Variants in CDK14 observed in about 807,000 individuals in gnomAD.
The protein encoded by CDK14 is cyclin dependent kinase 14.
A neutral mutation model predicts 60.7 loss-of-function variants in CDK14; 34 were observed. That is an observed-to-expected ratio of 0.56 (90% confidence interval 0.43 to 0.75). CDK14 has a LOEUF of 0.75. Ranked by LOEUF, CDK14 falls within the 30% of genes least tolerant of loss-of-function variation. The pLI is 0.00. For synonymous variants in CDK14, 197 were observed against 203.7 expected (o/e 0.97, Z 0.28); for missense variants, 482 against 564.1 (o/e 0.85, Z 1.47).
intron 5 of CDK14, among the ~76,000 whole-genome samples, chr7:90,812,485 GA>G (rs1789168620): frequency 6.6e-6 from 1 of 152,138 alleles, no homozygotes; most frequent in Admixed American, 6.5e-5. Flanking sequence ...GGGAAGGGGG[GA>G]CGGATTGCAT....
At chr7:90,971,994 T>G (rs993003909) in intron 9 of CDK14, among the ~76,000 whole-genome samples, 95 of 152,330 alleles carry the variant, frequency 6.2e-4, no homozygotes, top group African/African-American at 2.2e-3. Flanking sequence ...TTAGCTTAGC[T>G]TCCTGTACTT....
At chr7:91,148,112 C>T (rs983435072) in intron 14 of CDK14, among the ~76,000 whole-genome samples, 22 of 152,114 alleles carry the variant, frequency 1.4e-4, no homozygotes, top group Non-Finnish European at 2.8e-4. Flanking sequence ...TGGTGATTCA[C>T]GCCTGTAATC....
In CDK14 at chr7:91,162,477, T is replaced by C. The variant is rs1026768542; in HGVS notation, c.*28+44269T>C. ...CAGTGGAGGAACAAATGGGAGGAAG[T>C]CACGTTGAACTGGGCAGGAAACCGG... On this transcript the variant is annotated intron_variant, in intron 14 of 14. Transcript: ENST00000380050. Among the ~76,000 whole-genome samples the C allele has an allele frequency of 4.6e-5, 7 of 152,046 alleles. 1 individual carries two copies. Among genetic ancestry groups the C allele is most frequent in the Non-Finnish European group, 8.8e-5 (6 of 68,012 alleles).
chr7:90,864,223 A>G (rs1282749470), intron 6 of CDK14, among the ~76,000 whole-genome samples: 3 of 152,102 alleles, frequency 2.0e-5, no homozygotes, highest in Non-Finnish European at 4.4e-5. Flanking sequence ...GAAGCCGTTT[A>G]TCTTGTCTAT....
intron 11 of CDK14, among the ~76,000 whole-genome samples, chr7:91,077,421 C>T (rs112757765): frequency 2.6e-5 from 4 of 151,686 alleles, no homozygotes; most frequent in East Asian, 1.9e-4. Flanking sequence ...TGTTCTGACT[C>T]GTAAGTGGGA....
At chr7:90,888,175 C>A (rs1305609028) in intron 6 of CDK14, among the ~76,000 whole-genome samples, 2 of 152,010 alleles carry the variant, frequency 1.3e-5, no homozygotes, top group Admixed American at 6.6e-5. Context: ...CATGGTGAAC[C>A]CCCCTCTCTA....
chr7:90,801,471 A>G (rs1192881687), intron 5 of CDK14, among the ~76,000 whole-genome samples: 1 of 152,186 alleles, frequency 6.6e-6, no homozygotes, highest in East Asian at 1.9e-4. Context: ...CTGTCAAGTT[A>G]GTGAGTATGA....
intron 2 of CDK14, among the ~76,000 whole-genome samples, chr7:90,702,255 G>A (rs1339118732): frequency 6.6e-6 from 1 of 152,148 alleles, no homozygotes; most frequent in Non-Finnish European, 1.5e-5. Context: ...TGGCAAAAAG[G>A]ATTCGACTAA....
At chr7:91,173,668 C>T (rs1801609746) in intron 14 of CDK14, among the ~76,000 whole-genome samples, 1 of 152,316 alleles carries the variant, frequency 6.6e-6, no homozygotes. Flanking sequence ...CAGGGAGTTC[C>T]CTTTCTGAGT....
At chr7:90,672,407 C>T (rs1441447517) in intron 2 of CDK14, among the ~76,000 whole-genome samples, 1 of 146,504 alleles carries the variant, frequency 6.8e-6, no homozygotes, top group Non-Finnish European at 1.5e-5. Context: ...TGGAGTCATA[C>T]AATTACAATA....
At chr7:91,141,773 C>G (rs1355082070) in intron 14 of CDK14, among the ~76,000 whole-genome samples, 2 of 151,798 alleles carry the variant, frequency 1.3e-5, no homozygotes, top group Non-Finnish European at 2.9e-5. Flanking sequence ...TGCCCGTATA[C>G]CTAGGATTTG....
At chr7:91,060,184 G>T (rs1316193548) in intron 11 of CDK14, among the ~76,000 whole-genome samples, 3 of 150,968 alleles carry the variant, frequency 2.0e-5, no homozygotes, top group African/African-American at 7.3e-5. Flanking sequence ...GATCTTTGTT[G>T]GTTTAAAGTC....
intron 12 of CDK14, among the ~76,000 whole-genome samples, chr7:91,096,848 T>C (rs1323760204): frequency 6.6e-6 from 1 of 152,192 alleles, no homozygotes; most frequent in Non-Finnish European, 1.5e-5. Flanking sequence ...CCTATAACCA[T>C]GTTTTTGCAT....
intron 9 of CDK14, among the ~76,000 whole-genome samples, chr7:90,967,455 A>G (rs1455356226): frequency 6.6e-6 from 1 of 152,168 alleles, no homozygotes; most frequent in Non-Finnish European, 1.5e-5. Flanking sequence ...CACAAATTTA[A>G]CTTGCATATG....
chr7:91,057,466 A>C (rs75536696), intron 11 of CDK14, among the ~76,000 whole-genome samples: 1 of 152,110 alleles, frequency 6.6e-6, no homozygotes, highest in Non-Finnish European at 1.5e-5. Flanking sequence ...TGTTTTAGAC[A>C]TGAAGTCCTT....
chr7:90,617,191 A>G (rs1348372541), intron 2 of CDK14, among the ~76,000 whole-genome samples: 1 of 152,094 alleles, frequency 6.6e-6, no homozygotes, highest in African/African-American at 2.4e-5. Context: ...AAACATCTGA[A>G]AAAAAGGAAA....
intron 12 of CDK14, among the ~76,000 whole-genome samples, chr7:91,098,445 G>A (rs1372705632): frequency 6.6e-6 from 1 of 150,788 alleles, no homozygotes; most frequent in Admixed American, 6.6e-5. Flanking sequence ...CATGGCACAT[G>A]TATACATATG....
intron 2 of CDK14, chr7:90,709,997 A>G: frequency 1.0e-6 from 1 of 981,690 alleles, no homozygotes; most frequent in Non-Finnish European, 1.2e-6. Flanking sequence ...AGGGGTTTTA[A>G]TTTGGAGCAT....
At chr7:90,950,146 G>A (rs1431803805) in intron 8 of CDK14, among the ~76,000 whole-genome samples, 2 of 152,180 alleles carry the variant, frequency 1.3e-5, no homozygotes, top group African/African-American at 2.4e-5. Context: ...GCGTGATCTC[G>A]GCTCACTGCA....
Sources: gnomAD v4.1 joint callset for allele counts (sites outside exome capture counted in the v4.1 genomes callset) on GRCh38, gnomAD v4.1.1 for gene constraint, MANE v1.5 for transcripts, NCBI Gene and HGNC (gene_info 2026-07-23, HGNC 2026-07-21) for gene names.